ST3GAL3: variants seen among roughly 807,000 people sequenced by gnomAD.
The protein encoded by ST3GAL3 is CMP-N-acetylneuraminate-beta-1,4-galactoside alpha-2,3-sialyltransferase.
Under a neutral mutation model 50.1 loss-of-function variants are expected in ST3GAL3, and 21 were observed. That is an observed-to-expected ratio of 0.42 (90% CI 0.30 to 0.60). The LOEUF (loss-of-function observed/expected upper bound fraction) is 0.60. Among genes scored for constraint, ST3GAL3 ranks in the 20% least tolerant of loss-of-function variants. The pLI, the probability that ST3GAL3 is intolerant of heterozygous loss-of-function variation, is 0.19. For missense variants in ST3GAL3, 353 were observed against 489.4 expected (o/e 0.72, Z 2.63); for synonymous variants, 183 against 190.0 (o/e 0.96, Z 0.30).
chr1:43,760,454 A>G (rs1404364520), intron 2 of ST3GAL3, among the ~76,000 whole-genome samples: 2 of 152,234 alleles, frequency 1.3e-5, no homozygotes, highest in Non-Finnish European at 2.9e-5. Context: ...AGAATCATGC[A>G]TGGATAAAAG....
At chr1:43,825,086 T>C (rs1407577692) in intron 4 of ST3GAL3, among the ~76,000 whole-genome samples, 1 of 152,224 alleles carries the variant, frequency 6.6e-6, no homozygotes, top group East Asian at 1.9e-4. Context: ...TGGTCAGGAA[T>C]TGGGCTCAGG....
At chr1:43,766,898 G>C (rs994131349) in intron 2 of ST3GAL3, among the ~76,000 whole-genome samples, 5 of 152,130 alleles carry the variant, frequency 3.3e-5, no homozygotes, top group African/African-American at 1.2e-4. Flanking sequence ...CTTGAAAGAT[G>C]AATGAATAAG....
intron 3 of ST3GAL3, among the ~76,000 whole-genome samples, chr1:43,796,168 C>T (rs1397360615): frequency 1.3e-5 from 2 of 152,076 alleles, no homozygotes; most frequent in East Asian, 3.9e-4. Context: ...AGCTATAGTC[C>T]CAAGAGGATG....
At chr1:43,834,911 T>C (rs2064084332) in intron 4 of ST3GAL3, among the ~76,000 whole-genome samples, 1 of 152,242 alleles carries the variant, frequency 6.6e-6, no homozygotes, top group Non-Finnish European at 1.5e-5. Context: ...CCAGATCTGA[T>C]GCTTTTTCCA....
intron 3 of ST3GAL3, among the ~76,000 whole-genome samples, chr1:43,814,217 AT>A (rs1267790998): frequency 6.6e-6 from 1 of 152,018 alleles, no homozygotes; most frequent in African/African-American, 2.4e-5. Context: ...CCCCACCTGC[AT>A]TTTCCTATGT....
At position 43,774,506 on chromosome 1, in the gene ST3GAL3, A is replaced by T. The variant is rs559413870; in HGVS notation, c.119-17596A>T. 2.4e-4 allele frequency among the ~76,000 whole-genome samples: 36 copies of T among 152,168 alleles called. No individual in the cohort carries two copies. The South Asian group carries it at 7.5e-3, about 32-fold the overall frequency. On this transcript the variant is annotated intron_variant, in intron 2 of 11. Coordinates refer to ENST00000347631, the MANE Select transcript of ST3GAL3 (RefSeq NM_006279.5). ...CTGATCGTGGACTGGAGTTTTTAGG[A>T]TAGGGGCCCAGCAAAAGAATGAGAG...
chr1:43,850,542 C>G, intron 5 of ST3GAL3: 2 of 687,606 alleles, frequency 2.9e-6, no homozygotes, highest in South Asian at 1.4e-5. Context: ...GTTCCCCAGC[C>G]GCAGTCCACT....
chr1:43,751,714 C>A (rs147331017), intron 2 of ST3GAL3, among the ~76,000 whole-genome samples: 1 of 152,110 alleles, frequency 6.6e-6, no homozygotes, highest in Admixed American at 6.6e-5. Context: ...GTATTCCTGG[C>A]GTATTCTGTG....
chr1:43,824,655 C>T, intron 4 of ST3GAL3: 2 of 1,591,492 alleles, frequency 1.3e-6, no homozygotes, highest in South Asian at 2.2e-5. Context: ...TTTCACAGCC[C>T]ACTGTTCAAA....
At chr1:43,723,339 C>A (rs576291596) in intron 1 of ST3GAL3, among the ~76,000 whole-genome samples, 3 of 152,096 alleles carry the variant, frequency 2.0e-5, no homozygotes, top group African/African-American at 7.2e-5. Flanking sequence ...AAACTCCTGA[C>A]CTCAGGTGAT....
At chr1:43,771,059 C>T (rs775052397) in intron 2 of ST3GAL3, among the ~76,000 whole-genome samples, 1 of 152,224 alleles carries the variant, frequency 6.6e-6, no homozygotes, top group African/African-American at 2.4e-5. Flanking sequence ...CAGATCTTCA[C>T]TCTTCCAGCT....
intron 5 of ST3GAL3, among the ~76,000 whole-genome samples, chr1:43,890,790 G>A (rs1308420339): frequency 1.3e-5 from 2 of 152,014 alleles, no homozygotes; most frequent in Non-Finnish European, 2.9e-5. Context: ...AGGCTGAGGT[G>A]GGAGGATCAC....
At chr1:43,766,504 C>G (rs994203146) in intron 2 of ST3GAL3, among the ~76,000 whole-genome samples, 14 of 152,052 alleles carry the variant, frequency 9.2e-5, no homozygotes, top group African/African-American at 3.4e-4. Context: ...TGGGGTAGGA[C>G]ATGTGGGGAC....
At chr1:43,854,839 C>T (rs1263714042) in intron 5 of ST3GAL3, among the ~76,000 whole-genome samples, 4 of 152,206 alleles carry the variant, frequency 2.6e-5, no homozygotes, top group Admixed American at 2.6e-4. Flanking sequence ...CCCCTCTTAA[C>T]CAGATATCTA....
At chr1:43,915,571 G>C (rs1571381008) in intron 9 of ST3GAL3, among the ~76,000 whole-genome samples, 1 of 152,256 alleles carries the variant, frequency 6.6e-6, no homozygotes, top group South Asian at 2.1e-4. Flanking sequence ...GGGGTGGAGG[G>C]GGCGAGGAAA....
intron 2 of ST3GAL3, among the ~76,000 whole-genome samples, chr1:43,761,244 G>A (rs1317856337): frequency 6.6e-6 from 1 of 152,172 alleles, no homozygotes; most frequent in Non-Finnish European, 1.5e-5. Flanking sequence ...AGCCATTGCA[G>A]GCTGGGCTTG....
Position 43,899,816 on chromosome 1 carries a change from CG to C in ST3GAL3, c.744+90del. 7.9e-7 allele frequency: 1 copy of C among 1,268,500 alleles called. No homozygotes were observed. Among genetic ancestry groups the C allele is most frequent in the African/African-American group, 1.5e-5 (1 of 67,982 alleles). 78.6% of individuals were successfully genotyped at this position (1,268,500 alleles called of 1,614,324 possible). A position where few individuals can be genotyped will look rare whatever the true frequency, so the allele number is the denominator to read the frequency against. On this transcript the variant is annotated intron_variant, in intron 9 of 11. Coordinates refer to ENST00000347631, the MANE Select transcript of ST3GAL3 (RefSeq NM_006279.5). The surrounding 1 kb of genome is among the most constrained non-coding windows in gnomAD (Gnocchi z 5.4). ...CCCGCCCCTTGAATGCAGCAAAGAA[CG>C]AGTAAGAACCTTCAAAGGAAACATT...
At chr1:43,758,043 A>C (rs1405576264) in intron 2 of ST3GAL3, among the ~76,000 whole-genome samples, 1 of 152,206 alleles carries the variant, frequency 6.6e-6, no homozygotes, top group East Asian at 1.9e-4. Flanking sequence ...CAAAGTAGAC[A>C]TACACATGGC....
chr1:43,843,021 G>A (rs970767057), intron 5 of ST3GAL3, among the ~76,000 whole-genome samples: 5 of 152,148 alleles, frequency 3.3e-5, no homozygotes, highest in African/African-American at 7.2e-5. Context: ...CAGTCTTGTC[G>A]TCTGTTACTA....
Sources: allele counts gnomAD v4.1 joint callset (sites outside exome capture counted in the v4.1 genomes callset), GRCh38; gene constraint gnomAD v4.1.1; non-coding constraint Gnocchi (gnomAD v3.1); transcripts MANE v1.5; gene names NCBI Gene and HGNC (gene_info 2026-07-23, HGNC 2026-07-21).